The following IL23R variants were observed in gnomAD, a reference collection of about 807,000 sequenced individuals.
IL23R encodes interleukin-23 receptor.
In IL23R, 34 loss-of-function variants were observed where a neutral mutation model predicts 56.9. The ratio of observed to expected loss-of-function variants is 0.60; its 90% confidence interval spans 0.45 to 0.80. IL23R has a LOEUF of 0.80. Ranked by LOEUF, IL23R falls within the 30% of genes least tolerant of loss-of-function variation. The pLI is 0.00. For missense variants in IL23R, 635 were observed against 730.0 expected, an observed-to-expected ratio of 0.87 and a Z score of 1.50; for synonymous variants, 230 against 249.2, an observed-to-expected ratio of 0.92 and a Z score of 0.73.
intron 1 of IL23R, among the ~76,000 whole-genome samples, chr1:67,157,446 A>G (rs1445441813): frequency 6.6e-6 from 1 of 151,788 alleles, no homozygotes; most frequent in East Asian, 1.9e-4. Context: ...ACCCTTCAAC[A>G]GCTTCCCATC....
intron 3 of IL23R, among the ~76,000 whole-genome samples, chr1:67,176,178 C>T (rs1346167694): frequency 6.6e-6 from 1 of 151,970 alleles, no homozygotes; most frequent in African/African-American, 2.4e-5. Context: ...GGTTTAAATG[C>T]ATATGGGAAA....
intron 5 of IL23R, among the ~76,000 whole-genome samples, chr1:67,201,431 T>C (rs192118742): frequency 6.6e-6 from 1 of 150,864 alleles, no homozygotes; most frequent in East Asian, 1.9e-4. Flanking sequence ...AAAATCCATA[T>C]ATGTGTTTTT....
chr1:67,259,244 C>T lies in IL23R; in HGVS notation c.*116C>T. ...GAAAAAAATGTATTCACATACAAAT[C>T]TTCACATGGACACATGTTTTCATTT... is the stretch of plus-strand genomic sequence containing the variant. On this transcript the variant is annotated 3_prime_UTR_variant, in exon 11 of 11. Coordinates refer to ENST00000347310, the MANE Select transcript of IL23R (RefSeq NM_144701.3). 1 of 979,602 alleles carries T rather than the reference C, an allele frequency of 1.0e-6. No homozygotes were observed. Among genetic ancestry groups the T allele is most frequent in the Non-Finnish European group, 1.6e-6 (1 of 628,974 alleles). 60.7% of individuals were successfully genotyped at this position (979,602 alleles called of 1,614,324 possible).
rs1385070183 is a variant in IL23R, at chr1:67,182,852, T to A, written c.384T>A (p.Pro128=). 6.2e-7 allele frequency: 1 copy of A among 1,614,078 alleles called. No individual in the cohort carries two copies. Among genetic ancestry groups the A allele is most frequent in the Admixed American group, 1.7e-5 (1 of 60,018 alleles). Residue 128 remains proline, a synonymous_variant, in exon 4 of 11, where the codon CCT becomes CCA. Coordinates refer to ENST00000347310, the MANE Select transcript of IL23R (RefSeq NM_144701.3). ...DISSGYPPDI[P]DEVTCVIYEY... ...TTGTTGCAGATCCGCCAGATATTCC[T>A]GATGAAGTAACCTGTGTCATTTATG...
chr1:67,244,343 T>G (rs1431486256), intron 9 of IL23R, among the ~76,000 whole-genome samples: 1 of 152,230 alleles, frequency 6.6e-6, no homozygotes, highest in African/African-American at 2.4e-5. Flanking sequence ...ATTTTGGCTT[T>G]TGTTGCCATT....
intron 5 of IL23R, among the ~76,000 whole-genome samples, chr1:67,201,179 G>A (rs191073454): frequency 8.6e-5 from 13 of 152,010 alleles, no homozygotes; most frequent in Admixed American, 3.3e-4. Flanking sequence ...CGAGGTGGGC[G>A]ATCACTTGAG....
At chr1:67,164,163 A>C (rs1646848671), upstream of IL23R, among the ~76,000 whole-genome samples, 3 of 152,222 alleles carry the variant, frequency 2.0e-5, no homozygotes. Context: ...ACTCAATAGC[A>C]AAAACAAAAA....
At chr1:67,186,986 G>A (rs893028704) in intron 4 of IL23R, among the ~76,000 whole-genome samples, 4 of 152,146 alleles carry the variant, frequency 2.6e-5, no homozygotes, top group African/African-American at 9.6e-5. Context: ...TTCCTTGGTT[G>A]ATGAACTTTT....
intron 4 of IL23R, among the ~76,000 whole-genome samples, chr1:67,195,601 C>T (rs932899059): frequency 2.0e-5 from 3 of 152,054 alleles, no homozygotes; most frequent in South Asian, 2.1e-4. Context: ...ATACCCTCCT[C>T]GTCCTCTCAT....
At chr1:67,200,462 G>A (rs1179724110) in intron 4 of IL23R, among the ~76,000 whole-genome samples, 1 of 148,302 alleles carries the variant, frequency 6.7e-6, no homozygotes, top group Non-Finnish European at 1.5e-5. Flanking sequence ...GCGTGACCTT[G>A]GCTCACTGCA....
At chr1:67,201,450 T>G (rs2102624510) in intron 5 of IL23R, among the ~76,000 whole-genome samples, 1 of 151,864 alleles carries the variant, frequency 6.6e-6, no homozygotes, top group Non-Finnish European at 1.5e-5. Context: ...TTACAAATAT[T>G]TATTGGAAAC....
At chr1:67,204,235 T>A (rs1392752229) in intron 5 of IL23R, among the ~76,000 whole-genome samples, 1 of 152,122 alleles carries the variant, frequency 6.6e-6, no homozygotes, top group African/African-American at 2.4e-5. Context: ...CGCTAATTTT[T>A]TGTATTTTTA....
In IL23R at chr1:67,203,380, G is replaced by GA. The variant is rs767630756; in HGVS notation, c.652+2489dup. On this transcript the variant is annotated intron_variant, in intron 5 of 10. Coordinates refer to ENST00000347310, the MANE Select transcript of IL23R (RefSeq NM_144701.3). ...TACCACCATCCCACCTCCCACAAAG[G>GA]AAAAAATCCCATCTGGCCTCTACTT... Among the ~76,000 whole-genome samples, 49 of 152,170 alleles carry GA rather than the reference G, an allele frequency of 3.2e-4. 1 individual carries two copies. Among genetic ancestry groups the GA allele is most frequent in the Admixed American group, 2.8e-3 (43 of 15,284 alleles).
In IL23R at chr1:67,171,315, G is replaced by C. The variant is rs180866423; in HGVS notation, c.367+1677G>C. 2.2e-3 allele frequency among the ~76,000 whole-genome samples: 339 copies of C among 152,298 alleles called. 1 individual carries two copies. Among genetic ancestry groups the C allele is most frequent in the Non-Finnish European group, 3.0e-3 (205 of 68,026 alleles). ...AAAATTTCAGCAAATTTAGTTTTTAGATCTGATAGGTTTTTATGTGTGATT... is the reference window on the plus strand; with the variant it reads ...AAAATTTCAGCAAATTTAGTTTTTACATCTGATAGGTTTTTATGTGTGATT... On this transcript the variant is annotated intron_variant, in intron 3 of 10. Transcript: ENST00000347310.
At chr1:67,228,015 TTTCTTCC>T (rs879667252) in intron 7 of IL23R, among the ~76,000 whole-genome samples, 3,163 of 94,794 alleles carry the variant, frequency 0.033, 478 homozygotes, top group Middle Eastern at 0.077. Flanking sequence ...TCTTTCTTTC[TTTCTTCC>T]TTTCTTTCTT....
At chr1:67,154,428 A>G (rs1204500861) in intron 1 of IL23R, among the ~76,000 whole-genome samples, 1 of 152,130 alleles carries the variant, frequency 6.6e-6, no homozygotes, top group African/African-American at 2.4e-5. Context: ...TTGCTTTATG[A>G]ATCTGGATGC....
At chr1:67,211,788 T>TC (rs34693194) in intron 6 of IL23R, among the ~76,000 whole-genome samples, 4 of 152,172 alleles carry the variant, frequency 2.6e-5, no homozygotes, top group African/African-American at 9.7e-5. Context: ...TATTCTCTGC[T>TC]CCCCCTGGTG....
chr1:67,182,276 G>A (rs1280310830), intron 3 of IL23R, among the ~76,000 whole-genome samples: 1 of 152,198 alleles, frequency 6.6e-6, no homozygotes, highest in African/African-American at 2.4e-5. Flanking sequence ...AGCTGCAGTG[G>A]GCTCCACCCA....
chr1:67,205,888 TTTCTTTCTTTC>T (rs1648977971), intron 5 of IL23R, among the ~76,000 whole-genome samples: 1 of 111,364 alleles, frequency 9.0e-6, no homozygotes, highest in African/African-American at 3.0e-5. Flanking sequence ...TCTTTCTTTC[TTTCTTTCTTTC>T]TTTCTTTCTT....
Sources: gnomAD v4.1 joint callset for allele counts (sites outside exome capture counted in the v4.1 genomes callset) on GRCh38, gnomAD v4.1.1 for gene constraint, MANE v1.5 for transcripts, NCBI Gene and HGNC (gene_info 2026-07-23, HGNC 2026-07-21) for gene names.